The following STK3 variants were observed in gnomAD, a reference collection of about 807,000 sequenced individuals.
STK3 encodes the protein serine/threonine kinase 3.
In STK3, 41 loss-of-function variants were observed where a neutral mutation model predicts 58.0. The ratio of observed to expected loss-of-function variants is 0.71; its 90% CI spans 0.55 to 0.92. The LOEUF (loss-of-function observed/expected upper bound fraction) is 0.92. STK3 is among the 40% of genes least tolerant of loss of function. STK3 has a pLI of 0.00. For missense variants in STK3, 479 were observed against 602.7 expected (o/e 0.79, Z 2.15); for synonymous variants, 170 against 191.0 (o/e 0.89, Z 0.91).
chr8:98,467,356 A>T (rs1224878904), intron 10 of STK3, among the ~76,000 whole-genome samples: 1 of 152,136 alleles, frequency 6.6e-6, no homozygotes, highest in Non-Finnish European at 1.5e-5. Flanking sequence ...ATATTTATTG[A>T]ATGAATGAAA....
chr8:98,512,771 T>A (rs1824619253), intron 10 of STK3, among the ~76,000 whole-genome samples: 1 of 152,192 alleles, frequency 6.6e-6, no homozygotes, highest in South Asian at 2.1e-4. Flanking sequence ...ATAACTTGTA[T>A]TAAAATTTCG....
Position 98,896,254 on chromosome 8 carries a change from C to T in STK3, c.-78-12420G>A, listed in dbSNP as rs1012432902. On this transcript the variant is annotated intron_variant, in intron 1 of 1. Transcript: ENST00000519420. ...TAATCTTCCTAAAGCATCAAATTCA[C>T]GAGAGAAAATTCTCCAGAGACCCTC... is the stretch of plus-strand genomic sequence containing the variant. 1.1e-4 allele frequency among the ~76,000 whole-genome samples: 17 copies of T among 152,174 alleles called. No homozygotes were observed. In the East Asian group the frequency reaches 1.2e-3, roughly 10 times the overall value.
At chr8:98,349,279 T>A in the STK3 span, among the ~76,000 whole-genome samples, 1 of 152,160 alleles carries the variant, frequency 6.6e-6, no homozygotes, top group African/African-American at 2.4e-5. Context: ...TATAGAGGAT[T>A]TGTAGGGCAG....
intron 1 of STK3, among the ~76,000 whole-genome samples, chr8:98,898,480 G>A (rs1184778009): frequency 6.6e-6 from 1 of 152,132 alleles, no homozygotes; most frequent in Non-Finnish European, 1.5e-5. Context: ...ACTGATTTGG[G>A]TCATCATTCT....
At chr8:98,527,350 C>A (rs185794566) in intron 9 of STK3, among the ~76,000 whole-genome samples, 1 of 152,116 alleles carries the variant, frequency 6.6e-6, no homozygotes, top group East Asian at 1.9e-4. Context: ...CTTGGCTAGG[C>A]ATGGTGGCCT....
chr8:98,356,575 C>T, the STK3 span, among the ~76,000 whole-genome samples: 1 of 152,296 alleles, frequency 6.6e-6, no homozygotes, highest in South Asian at 2.1e-4. Context: ...GGCTCCAGTA[C>T]ATGCAGATCC....
intron 1 of STK3, among the ~76,000 whole-genome samples, chr8:98,918,119 G>A (rs919412675): frequency 1.3e-5 from 2 of 152,214 alleles, no homozygotes; most frequent in African/African-American, 2.4e-5. Context: ...ATCAATCAAT[G>A]TTTGTTCCCT....
intron 7 of STK3, among the ~76,000 whole-genome samples, chr8:98,587,721 G>T (rs1026899765): frequency 6.6e-6 from 1 of 152,072 alleles, no homozygotes; most frequent in Non-Finnish European, 1.5e-5. Context: ...CATTATTAAT[G>T]TGTGGGAGTC....
chr8:98,630,661 A>AAGGAGAAGGAGAAGG (rs1819120744), intron 6 of STK3, among the ~76,000 whole-genome samples: 1 of 148,782 alleles, frequency 6.7e-6, no homozygotes. Context: ...GGAGAAGGAG[A>AAGGAGAAGGAGAAGG]AGGAGAAGGA....
chr8:98,649,378 G>T (rs1323562923), intron 6 of STK3, among the ~76,000 whole-genome samples: 2 of 151,982 alleles, frequency 1.3e-5, no homozygotes, highest in Non-Finnish European at 2.9e-5. Context: ...TTCTTTCATA[G>T]CTCCTGCATT....
chr8:98,513,955 A>C (rs1563687312), intron 10 of STK3, among the ~76,000 whole-genome samples: 1 of 152,152 alleles, frequency 6.6e-6, no homozygotes, highest in Non-Finnish European at 1.5e-5. Flanking sequence ...CATCCCAAGA[A>C]AACCACATAT....
chr8:98,456,632 CTTCTTA>C (rs1233518741), intron 10 of STK3, among the ~76,000 whole-genome samples: 1 of 151,884 alleles, frequency 6.6e-6, no homozygotes, highest in Non-Finnish European at 1.5e-5. Context: ...TCTTCTTCTT[CTTCTTA>C]TTTTTTTTGA....
chr8:98,522,064 A>T (rs1254526930), intron 10 of STK3, among the ~76,000 whole-genome samples: 3 of 152,206 alleles, frequency 2.0e-5, no homozygotes, highest in Non-Finnish European at 4.4e-5. Context: ...ATGTTTTCTA[A>T]CAAATTTTGG....
At chr8:98,462,963 C>T (rs543173884) in intron 10 of STK3, 17 of 152,268 alleles carry the variant, frequency 1.1e-4, no homozygotes, top group African/African-American at 3.9e-4. Context: ...GAATGCTTCA[C>T]GAATTTGCAT....
intron 4 of STK3, among the ~76,000 whole-genome samples, chr8:98,723,181 G>C (rs1411476709): frequency 1.3e-5 from 2 of 151,946 alleles, no homozygotes; most frequent in Non-Finnish European, 2.9e-5. Context: ...TTTTAAAGAA[G>C]GGTGGTAGAG....
intron 1 of STK3, among the ~76,000 whole-genome samples, chr8:98,379,694 A>G (rs1817712868): frequency 6.6e-6 from 1 of 152,226 alleles, no homozygotes; most frequent in Non-Finnish European, 1.5e-5. Flanking sequence ...CATTCTTAAA[A>G]CAAAATTATT....
intron 6 of STK3, among the ~76,000 whole-genome samples, chr8:98,684,198 A>G (rs1344657194): frequency 1.3e-5 from 2 of 152,180 alleles, no homozygotes; most frequent in Non-Finnish European, 2.9e-5. Flanking sequence ...TAATAGGCTC[A>G]TTATTTTCAT....
intron 7 of STK3, among the ~76,000 whole-genome samples, chr8:98,588,901 G>T (rs1285314417): frequency 2.0e-5 from 3 of 149,508 alleles, no homozygotes; most frequent in Non-Finnish European, 4.5e-5. Context: ...GGCTCCTGAG[G>T]CTTCTGCATT....
intron 6 of STK3, among the ~76,000 whole-genome samples, chr8:98,635,973 A>C (rs1305669117): frequency 6.6e-6 from 1 of 152,086 alleles, no homozygotes; most frequent in Admixed American, 6.5e-5. Context: ...TCTTTCAATA[A>C]GTTTTTAGTA....
Sources: allele counts gnomAD v4.1 joint callset (sites outside exome capture counted in the v4.1 genomes callset), GRCh38; gene constraint gnomAD v4.1.1; transcripts MANE v1.5; gene names NCBI Gene and HGNC (gene_info 2026-07-23, HGNC 2026-07-21).